Variants in PCDHA5 observed in about 807,000 individuals in gnomAD.
The protein encoded by PCDHA5 is protocadherin alpha 5.
A neutral mutation model predicts 61.6 loss-of-function variants in PCDHA5; 43 were observed. The observed-to-expected ratio is 0.70, with a 90% CI of 0.55 to 0.90. The LOEUF (loss-of-function observed/expected upper bound fraction) is 0.90. Among genes scored for constraint, PCDHA5 ranks in the 40% least tolerant of loss-of-function variants. The pLI, the probability that PCDHA5 is intolerant of heterozygous loss-of-function variation, is 0.00. For synonymous variants in PCDHA5, 627 were observed against 543.9 expected, an observed-to-expected ratio of 1.15 and a Z score of -2.13; for missense variants, 1,298 against 1,222.7, an observed-to-expected ratio of 1.06 and a Z score of -0.92.
chr5:140,903,086 C>T lies in PCDHA5; in HGVS notation c.2353-75863C>T, dbSNP rs534457835. 2.6e-5 allele frequency among the ~76,000 whole-genome samples: 4 copies of T among 152,260 alleles called. No homozygotes were observed. In the East Asian group the frequency reaches 7.7e-4, roughly 29 times the overall value. ...CCTTTGGGTAGATACCTGATAGTGGCATTGCTGGATCAAATAATAGCTCTA... is the reference window on the plus strand; with the variant it reads ...CCTTTGGGTAGATACCTGATAGTGGTATTGCTGGATCAAATAATAGCTCTA... On this transcript the variant is annotated intron_variant, in intron 1 of 3. Transcript: ENST00000529859.
intron 1 of PCDHA5, chr5:140,851,319 T>C (rs1340345627): frequency 7.1e-6 from 7 of 992,898 alleles, no homozygotes; most frequent in Non-Finnish European, 8.6e-6. Flanking sequence ...GTTACCTTGT[T>C]AAGTTTGTAG....
chr5:140,993,363 C>T (rs925225156), intron 3 of PCDHA5, among the ~76,000 whole-genome samples: 1 of 151,918 alleles, frequency 6.6e-6, no homozygotes, highest in Non-Finnish European at 1.5e-5. Context: ...CTCACAAAAA[C>T]TACCTCCCAG....
rs782492418 is a variant in PCDHA5 at position 140,858,271 on chromosome 5, C to T, written c.2352+34144C>T. On this transcript the variant is annotated intron_variant, in intron 1 of 3. Coordinates refer to ENST00000529859, the MANE Select transcript of PCDHA5 (RefSeq NM_018908.3). ...TGAAGCCCACGCTGGTGTGCTCTAGCGCGGTGGGGAGCTGGTCTTACTCGC... is the reference window on the plus strand; with the variant it reads ...TGAAGCCCACGCTGGTGTGCTCTAGTGCGGTGGGGAGCTGGTCTTACTCGC... 2.3e-5 allele frequency: 37 copies of T among 1,597,010 alleles called. 3 individuals are homozygous for T. The highest frequency in any genetic ancestry group is 8.4e-5 in the Admixed American group (5 of 59,172).
At chr5:140,956,156 T>C (rs1467785699) in intron 1 of PCDHA5, among the ~76,000 whole-genome samples, 1 of 152,204 alleles carries the variant, frequency 6.6e-6, no homozygotes, top group Non-Finnish European at 1.5e-5. Flanking sequence ...TCTTTCCTAA[T>C]TGCCATAGCC....
In PCDHA5 at chr5:140,945,865, A is replaced by T. The variant is rs184952981; in HGVS notation, c.2353-33084A>T. ...ATTAAAGACTTAAACATAGACCTGAAATTGTAAAACTAACAAAGAAAACAC... is the reference window on the plus strand; with the variant it reads ...ATTAAAGACTTAAACATAGACCTGATATTGTAAAACTAACAAAGAAAACAC... On this transcript the variant is annotated intron_variant, in intron 1 of 3. Coordinates refer to ENST00000529859, the MANE Select transcript of PCDHA5 (RefSeq NM_018908.3). Among the ~76,000 whole-genome samples, 23 of 152,290 alleles carry T rather than the reference A, an allele frequency of 1.5e-4. No individual in the cohort carries two copies. The East Asian group carries it at 4.2e-3, about 28-fold the overall frequency.
chr5:140,967,364 C>T, intron 1 of PCDHA5: 2 of 1,607,620 alleles, frequency 1.2e-6, no homozygotes, highest in Non-Finnish European at 1.7e-6. Flanking sequence ...CCTTAAGCCC[C>T]TGCAGGAGAA....
intron 1 of PCDHA5, among the ~76,000 whole-genome samples, chr5:140,938,625 T>G (rs2092136082): frequency 6.6e-6 from 1 of 152,220 alleles, no homozygotes; most frequent in African/African-American, 2.4e-5. Flanking sequence ...AAACTCAGGT[T>G]GCTTATGATG....
At chr5:141,004,976 A>G (rs1554259837) in intron 3 of PCDHA5, among the ~76,000 whole-genome samples, 1 of 152,248 alleles carries the variant, frequency 6.6e-6, no homozygotes, top group Non-Finnish European at 1.5e-5. Flanking sequence ...GTAAATTTGC[A>G]GTATCATTAT....
rs1489076733 is a variant in PCDHA5 at position 140,821,862 on chromosome 5, G to C, written c.87G>C (p.Gln29His). 4 of 1,614,100 alleles carry C rather than the reference G, an allele frequency of 2.5e-6. No homozygotes were observed. The highest frequency in any genetic ancestry group is 3.4e-6 in the Non-Finnish European group (4 of 1,180,052). ...CCTACTGGAAGGCAGGGAGCGGCCA[G>C]CTCCACTACTCGATCCCGGAGGAAG... Reference protein sequence around the residue: ...LLAYWKAGSGQLHYSIPEEAK... With the variant: ...LLAYWKAGSGHLHYSIPEEAK... Residue 29 changes from glutamine to histidine, a missense_variant, in exon 1 of 4, where the codon CAG becomes CAC. Transcript: ENST00000529859.
At chr5:140,940,645 A>G (rs1554213545) in intron 1 of PCDHA5, among the ~76,000 whole-genome samples, 1 of 152,156 alleles carries the variant, frequency 6.6e-6, no homozygotes, top group Non-Finnish European at 1.5e-5. Flanking sequence ...TCATTTATTT[A>G]TTTAAATATA....
intron 3 of PCDHA5, among the ~76,000 whole-genome samples, chr5:141,007,339 T>C (rs2098316015): frequency 6.9e-6 from 1 of 143,904 alleles, no homozygotes; most frequent in Non-Finnish European, 1.5e-5. Context: ...TTGCCTGAGC[T>C]CAGGAGTTCG....
In PCDHA5 at chr5:140,959,884, G is replaced by A. The variant is rs141989766; in HGVS notation, c.2353-19065G>A. On this transcript the variant is annotated intron_variant, in intron 1 of 3. Coordinates refer to ENST00000529859, the MANE Select transcript of PCDHA5 (RefSeq NM_018908.3). ...TAGCAAAATCTGTCAAGGAATACAC[G>A]AGTGGGATTTATATCAGAAAAATCA... Among the ~76,000 whole-genome samples, 570 of 152,254 alleles carry A rather than the reference G, an allele frequency of 3.7e-3. 1 individual carries two copies. The highest frequency in any genetic ancestry group is 6.9e-3 in the Non-Finnish European group (471 of 68,018).
intron 2 of PCDHA5, 35 bp from the exon 3 acceptor site, chr5:140,982,440 A>C: frequency 6.2e-6 from 10 of 1,613,042 alleles, no homozygotes; most frequent in Non-Finnish European, 8.5e-6. Context: ...AGAATTTATG[A>C]TCTAACCGTT....
At position 140,858,811 on chromosome 5, in the gene PCDHA5, T is replaced by A. The variant is rs2045603382; in HGVS notation, c.2352+34684T>A. The A allele has an allele frequency of 1.4e-5, 5 of 354,112 alleles. No homozygotes were observed. The South Asian group carries it at 1.7e-4, about 12-fold the overall frequency. The allele number at this position is 354,112 out of a possible 1,614,324, so 21.9% of individuals were successfully genotyped here. A position where few individuals can be genotyped will look rare whatever the true frequency, so the allele number is the denominator to read the frequency against. ...TTTCATTTCCAATCTAAATTTTGAT[T>A]TGATTGTATTTGCATTACCAAAAAA... On this transcript the variant is annotated intron_variant, in intron 1 of 3. Transcript: ENST00000529859.
At position 140,843,480 on chromosome 5, in the gene PCDHA5, C is replaced by A. The variant is rs2150360983; in HGVS notation, c.2352+19353C>A. 13 of 1,596,024 alleles carry A rather than the reference C, an allele frequency of 8.1e-6. 2 individuals carry two copies. The highest frequency in any genetic ancestry group is 1.1e-5 in the South Asian group (1 of 90,492). On this transcript the variant is annotated intron_variant, in intron 1 of 3. Coordinates refer to ENST00000529859, the MANE Select transcript of PCDHA5 (RefSeq NM_018908.3). Reference sequence around the variant, plus strand: ...GTGCTCACGCTGCTGCTGTACACTGCGCTGCGGTGCTCAGCACTGCCCACT... The same window carrying A: ...GTGCTCACGCTGCTGCTGTACACTGAGCTGCGGTGCTCAGCACTGCCCACT...
chr5:141,000,381 CTCTCTCTCTCTCTCTATATA>C (rs2097908619), intron 3 of PCDHA5, among the ~76,000 whole-genome samples: 2 of 61,370 alleles, frequency 3.3e-5, no homozygotes, highest in African/African-American at 7.4e-5. Context: ...CTCTCTCTCT[CTCTCTCTCTCTCTCTATATA>C]TATATATATA....
chr5:141,009,716 C>A lies in PCDHA5; in HGVS notation c.2590C>A (p.Gln864Lys). Residue 864 changes from glutamine (Q) to lysine (K), a missense_variant, in exon 4 of 4, where the codon CAA becomes AAA. Transcript: ENST00000529859. ...TFKYGPGNPK[Q>K]SGPGELPDKF... is the part of the protein sequence containing the mutation. ...TAAATACGGACCAGGCAACCCCAAACAATCCGGTCCCGGTGAGTTGCCCGA... is the reference window on the plus strand; with the variant it reads ...TAAATACGGACCAGGCAACCCCAAAAAATCCGGTCCCGGTGAGTTGCCCGA... 3 of 1,614,168 alleles carry A rather than the reference C, an allele frequency of 1.9e-6. No homozygotes were observed. The highest frequency in any genetic ancestry group is 2.5e-6 in the Non-Finnish European group (3 of 1,180,034).
chr5:141,004,486 C>CT (rs2098167953), intron 3 of PCDHA5, among the ~76,000 whole-genome samples: 2 of 152,200 alleles, frequency 1.3e-5, no homozygotes, highest in South Asian at 4.1e-4. Flanking sequence ...TGGATTAACT[C>CT]TTGGCAGTCC....
chr5:140,972,660 A>AT (rs11350929), intron 1 of PCDHA5, among the ~76,000 whole-genome samples: 2,691 of 117,234 alleles, frequency 0.023, 50 homozygotes, highest in South Asian at 0.067. Context: ...AAGAAACCAA[A>AT]TTTTTTTTTT....
Sources: gnomAD v4.1 joint callset for allele counts (sites outside exome capture counted in the v4.1 genomes callset) on GRCh38, gnomAD v4.1.1 for gene constraint, MANE v1.5 for transcripts, NCBI Gene and HGNC (gene_info 2026-07-23, HGNC 2026-07-21) for gene names.